The following SIN3B variants were observed in gnomAD, a reference collection of about 807,000 sequenced individuals.
The protein encoded by SIN3B is paired amphipathic helix protein Sin3b.
Under a neutral mutation model 120.2 loss-of-function variants are expected in SIN3B, and 19 were observed. The ratio of observed to expected loss-of-function variants is 0.16; its 90% CI spans 0.11 to 0.23. SIN3B has a LOEUF of 0.23. Ranked by LOEUF, SIN3B falls within the 10% of genes least tolerant of loss-of-function variation. SIN3B has a pLI of 1.00. For synonymous variants in SIN3B, 654 were observed against 653.2 expected, an observed-to-expected ratio of 1.00 and a Z score of -0.02; for missense variants, 1,073 against 1,573.0, an observed-to-expected ratio of 0.68 and a Z score of 5.38.
In SIN3B at chr19:16,862,365, C is replaced by T; in HGVS notation, c.1072C>T (p.Leu358Phe). Reference protein sequence around the residue: ...VSPFLGKFPELFAQFKSFLGV... With the variant: ...VSPFLGKFPEFFAQFKSFLGV... ...TTATCTTTGAAGGAAATTTCCAGAACTCTTTGCACAGTTCAAGTCCTTCCT... is the reference window on the plus strand; with the variant it reads ...TTATCTTTGAAGGAAATTTCCAGAATTCTTTGCACAGTTCAAGTCCTTCCT... Residue 358 changes from leucine (L) to phenylalanine (F), a missense_variant, in exon 9 of 19, where the codon CTC (leucine) becomes TTC (phenylalanine). Transcript: ENST00000248054. This position sits in a 1 kb window ranked among gnomAD's most constrained non-coding sequence, Gnocchi z 4.7. 6.2e-7 allele frequency: 1 copy of T among 1,613,504 alleles called. No individual in the cohort carries two copies. Among genetic ancestry groups the T allele is most frequent in the Non-Finnish European group, 8.5e-7 (1 of 1,179,432 alleles).
chr19:16,867,021 C>T (rs1026066886), intron 12 of SIN3B, among the ~76,000 whole-genome samples: 2 of 152,180 alleles, frequency 1.3e-5, no homozygotes, highest in Non-Finnish European at 2.9e-5. Context: ...TCCCAAAGTG[C>T]TGGGATTACA....
chr19:16,838,638 A>G (rs900643676), intron 3 of SIN3B, among the ~76,000 whole-genome samples: 2 of 152,084 alleles, frequency 1.3e-5, no homozygotes, highest in African/African-American at 2.4e-5. Flanking sequence ...TGCAACGAAC[A>G]TTCATGTGTG....
chr19:16,871,695 G>A (rs1334945267), intron 14 of SIN3B: 3 of 327,852 alleles, frequency 9.2e-6, no homozygotes, highest in African/African-American at 4.4e-5. Flanking sequence ...CCTGCCCCGA[G>A]CCCCTGACAT....
rs114742477 is a variant in SIN3B at position 16,875,097 on chromosome 19, G to A, written c.2593-958G>A. On this transcript the variant is annotated intron_variant, in intron 14 of 18. Transcript: ENST00000248054. ...GTTTGGTCTGGTCTGGTTTAGTTTG[G>A]TCTGATCTGGTCTGGTCTGGTTTGG... Among the ~76,000 whole-genome samples the A allele has an allele frequency of 3.0e-3, 444 of 149,558 alleles. 2 individuals carry two copies. Among genetic ancestry groups the A allele is most frequent in the African/African-American group, 0.01 (424 of 40,578 alleles).
chr19:16,830,764 A>G (rs1971268325), intron 2 of SIN3B, among the ~76,000 whole-genome samples: 1 of 152,162 alleles, frequency 6.6e-6, no homozygotes, highest in Admixed American at 6.5e-5. Context: ...TACCATTGGT[A>G]TTTATGCATT....
chr19:16,847,189 C>A (rs1971490109), intron 5 of SIN3B, 76 bp downstream of exon 5: 15 of 1,508,778 alleles, frequency 9.9e-6, no homozygotes, highest in Non-Finnish European at 1.4e-5. Flanking sequence ...TGACCCATGT[C>A]CGGGCCAAGC....
At chr19:16,842,015 G>A (rs770855768) in intron 4 of SIN3B, 47 bp downstream of exon 4, 11 of 1,460,036 alleles carry the variant, frequency 7.5e-6, no homozygotes, top group Non-Finnish European at 8.6e-6. Context: ...ATTTCATCCA[G>A]TTTGGGGCCC....
At chr19:16,875,876 C>G in intron 14 of SIN3B, 179 bp from the exon 15 acceptor site, 1 of 705,544 alleles carries the variant, frequency 1.4e-6, no homozygotes, top group Non-Finnish European at 2.3e-6. Flanking sequence ...CTGGTCTGGT[C>G]TGGTCTGGTC....
At chr19:16,831,692 A>G in intron 3 of SIN3B, 45 bp downstream of exon 3, 1 of 1,594,086 alleles carries the variant, frequency 6.3e-7, no homozygotes. Flanking sequence ...TTCACCGAGT[A>G]TGTCTTGCTA....
intron 4 of SIN3B, among the ~76,000 whole-genome samples, chr19:16,842,966 G>A (rs541896297): frequency 2.6e-5 from 4 of 152,228 alleles, no homozygotes; most frequent in Non-Finnish European, 4.4e-5. Context: ...GCATCAGGGC[G>A]TCTGCAGGGG....
At chr19:16,864,074 A>G (rs184669806) in intron 10 of SIN3B, among the ~76,000 whole-genome samples, 14 of 152,292 alleles carry the variant, frequency 9.2e-5, no homozygotes, top group Admixed American at 5.9e-4. Context: ...CAGGTGGATC[A>G]TTTAAGCTCA....
chr19:16,831,687 C>T (rs761688432), intron 3 of SIN3B, 40 bp downstream of exon 3: 12 of 1,601,304 alleles, frequency 7.5e-6, no homozygotes, highest in East Asian at 4.5e-5. Flanking sequence ...CAGCCTTCAC[C>T]GAGTATGTCT....
intron 8 of SIN3B, among the ~76,000 whole-genome samples, chr19:16,856,159 C>T (rs1469952911): frequency 6.6e-6 from 1 of 152,160 alleles, no homozygotes; most frequent in East Asian, 1.9e-4. Context: ...GCCAGGTCAG[C>T]CTCAGGAAGG....
chr19:16,860,470 G>C (rs1170619400), intron 8 of SIN3B, among the ~76,000 whole-genome samples: 1 of 152,096 alleles, frequency 6.6e-6, no homozygotes, highest in Non-Finnish European at 1.5e-5. Flanking sequence ...AGCAGGGTTG[G>C]CATAGGGTTC....
intron 5 of SIN3B, among the ~76,000 whole-genome samples, chr19:16,850,103 AT>A (rs1971526361): frequency 6.6e-6 from 1 of 152,056 alleles, no homozygotes. Context: ...AGTTTTGGTA[AT>A]TATTCCCCCC....
chr19:16,839,023 G>T (rs1460301907), intron 3 of SIN3B, among the ~76,000 whole-genome samples: 55 of 145,522 alleles, frequency 3.8e-4, no homozygotes, highest in African/African-American at 1.4e-3. Context: ...TCCCAGGCTG[G>T]AGTGCGGTGG....
At chr19:16,845,548 C>T (rs1241023188) in intron 4 of SIN3B, among the ~76,000 whole-genome samples, 2 of 152,194 alleles carry the variant, frequency 1.3e-5, no homozygotes, top group African/African-American at 2.4e-5. Context: ...GCTGGGATTA[C>T]AGGCCTGAGC....
chr19:16,829,952 C>A, intron 2 of SIN3B, 55 bp downstream of exon 2: 1 of 1,313,850 alleles, frequency 7.6e-7, no homozygotes, highest in Non-Finnish European at 1.1e-6. Flanking sequence ...GGAATCGGGC[C>A]TAGCGGGGTG....
rs1189492782 is a variant in SIN3B at position 16,831,613 on chromosome 19, G to C, written c.347G>C (p.Gly116Ala). 6.2e-7 allele frequency: 1 copy of C among 1,613,978 alleles called. No individual in the cohort carries two copies. Among genetic ancestry groups the C allele is most frequent in the African/African-American group, 1.3e-5 (1 of 75,002 alleles). Residue 116 changes from glycine (G) to alanine (A), a missense_variant, in exon 3 of 19, where the codon GGC becomes GCC. Physicochemically the swap from Gly to Ala is moderately conservative, Grantham distance 60. Coordinates refer to ENST00000248054, the MANE Select transcript of SIN3B (RefSeq NM_001297595.2). ...TATAGAATAGACATTCCCAAGAATGGCAAGTTAAACATACAGTCGCCTCTG... is the reference window on the plus strand; with the variant it reads ...TATAGAATAGACATTCCCAAGAATGCCAAGTTAAACATACAGTCGCCTCTG... ...LGYRIDIPKNGKLNIQSPLTS... is the reference protein window; with the variant it reads ...LGYRIDIPKNAKLNIQSPLTS...
Sources: gnomAD v4.1 joint callset for allele counts (sites outside exome capture counted in the v4.1 genomes callset) on GRCh38, gnomAD v4.1.1 for gene constraint, Gnocchi (gnomAD v3.1) non-coding constraint, MANE v1.5 for transcripts, NCBI Gene and HGNC (gene_info 2026-07-23, HGNC 2026-07-21) for gene names.